Variants in BRI3BP observed in about 807,000 individuals in gnomAD.
BRI3BP encodes BRI3-binding protein.
Under a neutral mutation model 15.8 loss-of-function variants are expected in BRI3BP, and 7 were observed. The ratio of observed to expected loss-of-function variants is 0.44; its 90% CI spans 0.25 to 0.83. The LOEUF is 0.83. Among genes scored for constraint, BRI3BP ranks in the 40% least tolerant of loss-of-function variants. The pLI is 0.20. For missense variants in BRI3BP, 320 were observed against 339.3 expected (o/e 0.94, Z 0.45); for synonymous variants, 192 against 163.5 (o/e 1.17, Z -1.33).
intron 1 of BRI3BP, among the ~76,000 whole-genome samples, chr12:124,999,761 G>A (rs374290410): frequency 6.7e-6 from 1 of 148,778 alleles, no homozygotes; most frequent in Non-Finnish European, 1.5e-5. Flanking sequence ...GGGACTACAG[G>A]CGCCTGCCAC....
Position 125,018,945 on chromosome 12 carries a change from G to A in BRI3BP, c.317-6046G>A, listed in dbSNP as rs561462198. Among the ~76,000 whole-genome samples the A allele has an allele frequency of 5.6e-3, 847 of 152,118 alleles. 4 individuals carry two copies. The highest frequency in any genetic ancestry group is 0.02 in the African/African-American group (818 of 41,508). On this transcript the variant is annotated intron_variant, in intron 2 of 2. Coordinates refer to ENST00000341446, the MANE Select transcript of BRI3BP (RefSeq NM_080626.6). Reference sequence around the variant, plus strand: ...GCAATCTTGGCTCACTGCAACCTCCGCCTCCCGGGTTCAAGCGATTCTCCT... The same window carrying A: ...GCAATCTTGGCTCACTGCAACCTCCACCTCCCGGGTTCAAGCGATTCTCCT...
chr12:125,000,667 A>G (rs1439460511), intron 1 of BRI3BP, among the ~76,000 whole-genome samples: 2 of 152,304 alleles, frequency 1.3e-5, no homozygotes, highest in Admixed American at 6.5e-5. Flanking sequence ...ATGCTGAAAG[A>G]ACAGAACAAG....
rs141028934 is a variant in BRI3BP, at chr12:124,996,499, G to A, written c.213+2496G>A. 1.5e-4 allele frequency among the ~76,000 whole-genome samples: 23 copies of A among 151,188 alleles called. 1 individual carries two copies. In the East Asian group the frequency reaches 4.2e-3, roughly 27 times the overall value. On this transcript the variant is annotated intron_variant, in intron 1 of 2. Transcript: ENST00000341446. ...CCACCACATCCGGCTAATTTTTTAT[G>A]TTTTTGGTAGAGATGAGGTTTCATC...
chr12:125,038,144 G>T, the BRI3BP span, among the ~76,000 whole-genome samples: 2 of 151,704 alleles, frequency 1.3e-5, no homozygotes, highest in Non-Finnish European at 2.9e-5. Context: ...AGGCATGGTG[G>T]TGTGCGTCTG....
rs1172766500 is a variant in BRI3BP at position 125,025,198 on chromosome 12, A to G, written c.524A>G (p.His175Arg). Residue 175 changes from histidine to arginine, a missense_variant, in exon 3 of 3, where the codon CAC (histidine) becomes CGC (arginine). His to Arg is a conservative substitution (Grantham distance 29, BLOSUM62 0). Transcript: ENST00000341446. ...LFSMSCVYIL[H>R]KYEGEPENAV... ...TCCATGTCCTGCGTGTACATCCTGC[A>G]CAAGTACGAGGGCGAGCCGGAGAAC... 2 of 1,614,066 alleles carry G rather than the reference A, an allele frequency of 1.2e-6. No homozygotes were observed. Among genetic ancestry groups the G allele is most frequent in the East Asian group, 4.5e-5 (2 of 44,884 alleles).
At chr12:124,998,538 A>G (rs1955058776) in intron 1 of BRI3BP, among the ~76,000 whole-genome samples, 1 of 152,194 alleles carries the variant, frequency 6.6e-6, no homozygotes, top group Admixed American at 6.5e-5. Flanking sequence ...CATTTACAGC[A>G]TATGAAATAT....
intron 2 of BRI3BP, among the ~76,000 whole-genome samples, chr12:125,021,268 G>A (rs1006970108): frequency 5.3e-5 from 8 of 152,176 alleles, no homozygotes; most frequent in East Asian, 3.9e-4. Context: ...CCAGCTGTGC[G>A]GAGTCTGATC....
At chr12:125,015,869 T>G (rs1594534357) in intron 2 of BRI3BP, among the ~76,000 whole-genome samples, 1 of 152,088 alleles carries the variant, frequency 6.6e-6, no homozygotes, top group Non-Finnish European at 1.5e-5. Flanking sequence ...CTTGGCAGAG[T>G]TAACGCACCC....
intron 2 of BRI3BP, among the ~76,000 whole-genome samples, chr12:125,023,802 T>C (rs1375986504): frequency 1.3e-5 from 2 of 152,334 alleles, no homozygotes; most frequent in African/African-American, 4.8e-5. Context: ...CCAGGCGCAG[T>C]GGCTCACACT....
At chr12:125,008,619 C>T (rs77963232) in intron 1 of BRI3BP, among the ~76,000 whole-genome samples, 4,188 of 152,166 alleles carry the variant, frequency 0.028, 191 homozygotes, top group African/African-American at 0.095. Context: ...CCACCCTCCT[C>T]TTCTTTCTAA....
intron 2 of BRI3BP, among the ~76,000 whole-genome samples, chr12:125,018,317 T>C (rs111409405): frequency 1.3e-5 from 2 of 152,268 alleles, no homozygotes; most frequent in African/African-American, 4.8e-5. Flanking sequence ...TCTGTTGAAG[T>C]CCTAACCCCC....
the BRI3BP span, among the ~76,000 whole-genome samples, chr12:125,042,448 A>C: frequency 8.7e-4 from 131 of 150,518 alleles, no homozygotes; most frequent in African/African-American, 3.1e-3. Context: ...TTTTGCCTCT[A>C]ATTCTTTAGG....
chr12:125,045,111 A>G, the BRI3BP span, among the ~76,000 whole-genome samples: 3 of 152,184 alleles, frequency 2.0e-5, no homozygotes. Flanking sequence ...TGATTAAATC[A>G]TAAAACATAA....
intron 1 of BRI3BP, among the ~76,000 whole-genome samples, chr12:125,007,584 T>A (rs572979254): frequency 2.2e-4 from 34 of 152,082 alleles, no homozygotes; most frequent in African/African-American, 8.2e-4. Context: ...GCTGGGCATG[T>A]AGCAGCTGCC....
At chr12:124,996,017 G>C (rs143701069) in intron 1 of BRI3BP, among the ~76,000 whole-genome samples, 2 of 152,002 alleles carry the variant, frequency 1.3e-5, no homozygotes, top group African/African-American at 2.4e-5. Context: ...AGGTTCAAGC[G>C]ATCTTCCCCA....
At chr12:124,994,391 C>T (rs1199969959) in intron 1 of BRI3BP, among the ~76,000 whole-genome samples, 1 of 152,204 alleles carries the variant, frequency 6.6e-6, no homozygotes, top group Non-Finnish European at 1.5e-5. Flanking sequence ...CGGCTGCGCC[C>T]TCCCCAGCTA....
chr12:125,032,967 A>G (rs955872570), downstream of BRI3BP, among the ~76,000 whole-genome samples: 13 of 152,096 alleles, frequency 8.5e-5, no homozygotes, highest in African/African-American at 3.1e-4. Context: ...ACCCTGCCCC[A>G]GCCTGACCAG....
chr12:125,006,112 C>T (rs1594529945), intron 1 of BRI3BP, among the ~76,000 whole-genome samples: 1 of 152,046 alleles, frequency 6.6e-6, no homozygotes, highest in Non-Finnish European at 1.5e-5. Flanking sequence ...TAGGGCCCAC[C>T]GTAAATATCT....
intron 1 of BRI3BP, among the ~76,000 whole-genome samples, chr12:125,001,001 T>C (rs188418062): frequency 3.1e-4 from 47 of 152,338 alleles, no homozygotes; most frequent in African/African-American, 1.0e-3. Context: ...GTCTCTAGTC[T>C]GTCAGAGTTT....
Sources: gnomAD v4.1 joint callset for allele counts (sites outside exome capture counted in the v4.1 genomes callset) on GRCh38, gnomAD v4.1.1 for gene constraint, MANE v1.5 for transcripts, NCBI Gene and HGNC (gene_info 2026-07-23, HGNC 2026-07-21) for gene names.